Variants in DLGAP2 observed in about 807,000 individuals in gnomAD.
The protein encoded by DLGAP2 is disks large-associated protein 2.
Under a neutral mutation model 100.3 loss-of-function variants are expected in DLGAP2, and 26 were observed. The observed-to-expected ratio is 0.26, with a 90% CI of 0.19 to 0.36. The LOEUF (loss-of-function observed/expected upper bound fraction) is 0.36, where lower values mean the gene tolerates loss of function less well. Among genes scored for constraint, DLGAP2 ranks in the 10% least tolerant of loss-of-function variants. DLGAP2 has a pLI of 1.00. For synonymous variants in DLGAP2, 886 were observed against 630.1 expected (o/e 1.41, Z -6.08); for missense variants, 1,858 against 1,453.2 (o/e 1.28, Z -4.53).
intron 2 of DLGAP2, among the ~76,000 whole-genome samples, chr8:1,012,296 A>T (rs1273762313): frequency 6.6e-6 from 1 of 152,132 alleles, no homozygotes; most frequent in Non-Finnish European, 1.5e-5. Flanking sequence ...TGTTGCACGG[A>T]TTACAGTTAA....
At chr8:1,598,555 G>A (rs1188075472) in intron 6 of DLGAP2, among the ~76,000 whole-genome samples, 2 of 152,102 alleles carry the variant, frequency 1.3e-5, no homozygotes, top group African/African-American at 4.8e-5. Context: ...TGTTATTGGT[G>A]TATTCAGGGA....
At chr8:1,494,875 G>C (rs947960985) in intron 3 of DLGAP2, among the ~76,000 whole-genome samples, 1 of 152,212 alleles carries the variant, frequency 6.6e-6, no homozygotes, top group Non-Finnish European at 1.5e-5. Context: ...TGTGGCGGCA[G>C]AGAACAAACT....
Position 1,233,030 on chromosome 8 carries a change from A to T in DLGAP2, c.74-25821A>T, listed in dbSNP as rs78294060. On this transcript the variant is annotated intron_variant, in intron 2 of 14. Coordinates refer to ENST00000637795, the MANE Select transcript of DLGAP2 (RefSeq NM_001346810.2). ...TTTCATAGGAATAGAACCATCTGGC[A>T]TTGGCGGAATTTTGTGCCTGGTTTC... 4.0e-3 allele frequency among the ~76,000 whole-genome samples: 603 copies of T among 152,340 alleles called. 29 individuals carry two copies. In the East Asian group the frequency reaches 0.1, roughly 25 times the overall value.
At chr8:1,322,728 T>C (rs774254145) in intron 3 of DLGAP2, among the ~76,000 whole-genome samples, 175 of 152,358 alleles carry the variant, frequency 1.1e-3, no homozygotes, top group Non-Finnish European at 1.2e-3. Flanking sequence ...CTAAGATGAT[T>C]CCCTGCGTTT....
chr8:1,148,936 G>C (rs989427335), intron 2 of DLGAP2, among the ~76,000 whole-genome samples: 3 of 152,122 alleles, frequency 2.0e-5, no homozygotes, highest in African/African-American at 7.2e-5. Context: ...CAATAATTCA[G>C]TATTAATCCT....
chr8:1,245,919 G>A (rs1008998857), intron 2 of DLGAP2, among the ~76,000 whole-genome samples: 1 of 152,188 alleles, frequency 6.6e-6, no homozygotes, highest in Non-Finnish European at 1.5e-5. Flanking sequence ...ACCGCCGTGG[G>A]GAGGACAGAG....
At chr8:863,002 A>G (rs753619107) in intron 1 of DLGAP2, among the ~76,000 whole-genome samples, 3 of 152,216 alleles carry the variant, frequency 2.0e-5, no homozygotes, top group Non-Finnish European at 4.4e-5. Flanking sequence ...AAATACAGAT[A>G]TGAATATGGC....
At chr8:1,044,495 T>C (rs1269184979) in intron 2 of DLGAP2, among the ~76,000 whole-genome samples, 3 of 152,206 alleles carry the variant, frequency 2.0e-5, no homozygotes, top group African/African-American at 7.2e-5. Flanking sequence ...GTCCTAGCGC[T>C]GAAATCTGTG....
rs115424487 is a variant in DLGAP2, at chr8:936,351, T to C, written c.73+28385T>C. On this transcript the variant is annotated intron_variant, in intron 2 of 14. Transcript: ENST00000637795. ...CAAAGTGCAGGAACCGACCAATGTGTAAAACTCGGGAAGGATGTTTGCTGT... is the reference window on the plus strand; with the variant it reads ...CAAAGTGCAGGAACCGACCAATGTGCAAAACTCGGGAAGGATGTTTGCTGT... 7.4e-4 allele frequency among the ~76,000 whole-genome samples: 112 copies of C among 152,316 alleles called. 1 individual carries two copies. The highest frequency in any genetic ancestry group is 2.6e-3 in the African/African-American group (109 of 41,572).
At chr8:1,383,816 G>C (rs1389628910) in intron 3 of DLGAP2, among the ~76,000 whole-genome samples, 1 of 152,212 alleles carries the variant, frequency 6.6e-6, no homozygotes, top group Non-Finnish European at 1.5e-5. Context: ...GCAGCTCCCA[G>C]CGAGCACTTT....
At chr8:1,042,777 A>ATGTGGGTGGTGGGTGTGGATGGTGGG (rs1802393246) in intron 2 of DLGAP2, among the ~76,000 whole-genome samples, 1 of 44,488 alleles carries the variant, frequency 2.2e-5, no homozygotes, top group African/African-American at 7.7e-5. Flanking sequence ...TGGGTGATGG[A>ATGTGGGTGGTGGGTGTGGATGGTGGG]TGTGGGTGGT....
chr8:1,153,621 A>G (rs189624286), intron 2 of DLGAP2, among the ~76,000 whole-genome samples: 177 of 152,274 alleles, frequency 1.2e-3, no homozygotes, highest in Non-Finnish European at 1.9e-3. Context: ...ACACAAACCA[A>G]TATTTTTTAG....
At chr8:1,697,437 T>C in intron 14 of DLGAP2, 138 bp downstream of exon 14, 1 of 1,234,508 alleles carries the variant, frequency 8.1e-7, no homozygotes, top group Middle Eastern at 2.0e-4. Context: ...TCTATGTATG[T>C]GTGCACATGT....
rs549159642 is a variant in DLGAP2, at chr8:1,174,136, G to A, written c.74-84715G>A. Among the ~76,000 whole-genome samples, 290 of 152,156 alleles carry A rather than the reference G, an allele frequency of 1.9e-3. 1 individual carries two copies. The highest frequency in any genetic ancestry group is 0.01 in the Middle Eastern group (3 of 292). ...TCAGGGCTTAGGGGAGATCTAAGTC[G>A]GGCTGGAACTGGGTATTGAAGGGTG... is the stretch of plus-strand genomic sequence containing the variant. On this transcript the variant is annotated intron_variant, in intron 2 of 14. Transcript: ENST00000637795.
intron 2 of DLGAP2, among the ~76,000 whole-genome samples, chr8:1,234,344 G>A (rs62486948): frequency 0.11 from 16,699 of 152,146 alleles, 1,049 homozygotes; most frequent in South Asian, 0.17. Context: ...AGGGAAGTAC[G>A]TGTTCTAGGC....
At chr8:1,145,174 T>G (rs1796585157) in intron 2 of DLGAP2, among the ~76,000 whole-genome samples, 1 of 151,990 alleles carries the variant, frequency 6.6e-6, no homozygotes, top group African/African-American at 2.4e-5. Flanking sequence ...AAACACAACT[T>G]TCCCCCCAGC....
chr8:1,366,703 G>A (rs554796929), intron 3 of DLGAP2, among the ~76,000 whole-genome samples: 1 of 152,256 alleles, frequency 6.6e-6, no homozygotes, highest in South Asian at 2.1e-4. Flanking sequence ...CTGGGAAGTG[G>A]AAAGAGATGC....
intron 3 of DLGAP2, among the ~76,000 whole-genome samples, chr8:1,261,811 G>T (rs1799356239): frequency 6.6e-6 from 1 of 152,248 alleles, no homozygotes; most frequent in African/African-American, 2.4e-5. Flanking sequence ...GCTGGGCGCA[G>T]AGAGTGGAAT....
At chr8:1,061,499 C>T (rs1447210801) in intron 2 of DLGAP2, among the ~76,000 whole-genome samples, 1 of 152,056 alleles carries the variant, frequency 6.6e-6, no homozygotes, top group Non-Finnish European at 1.5e-5. Flanking sequence ...ATCCCGTGAC[C>T]CCTTCTTATT....
Sources: gnomAD v4.1 joint callset for allele counts (sites outside exome capture counted in the v4.1 genomes callset) on GRCh38, gnomAD v4.1.1 for gene constraint, MANE v1.5 for transcripts, NCBI Gene and HGNC (gene_info 2026-07-23, HGNC 2026-07-21) for gene names.